OTUD7A: variants seen among roughly 807,000 people sequenced by gnomAD.
OTUD7A encodes the protein OTU deubiquitinase 7A.
Under a neutral mutation model 65.7 loss-of-function variants are expected in OTUD7A, and 12 were observed. The observed-to-expected ratio is 0.18, with a 90% CI of 0.12 to 0.30. The LOEUF (loss-of-function observed/expected upper bound fraction) is 0.30, where lower values mean the gene tolerates loss of function less well. OTUD7A is among the 10% of genes least tolerant of loss of function. OTUD7A has a pLI of 1.00. For synonymous variants in OTUD7A, 641 were observed against 586.3 expected (o/e 1.09, Z -1.35); for missense variants, 1,148 against 1,304.8 (o/e 0.88, Z 1.85).
intron 5 of OTUD7A, among the ~76,000 whole-genome samples, chr15:31,542,774 G>A (rs1161831719): frequency 6.6e-6 from 1 of 151,442 alleles, no homozygotes; most frequent in Non-Finnish European, 1.5e-5. Flanking sequence ...CTTCAAAGGA[G>A]TGATAGACTG....
chr15:31,590,349 T>C (rs2141196776), intron 3 of OTUD7A, among the ~76,000 whole-genome samples: 1 of 152,342 alleles, frequency 6.6e-6, no homozygotes, highest in Admixed American at 6.5e-5. Flanking sequence ...TCTCATAAGG[T>C]ATTTCTGTCA....
chr15:31,787,314 A>G (rs549370272), intron 1 of OTUD7A, among the ~76,000 whole-genome samples: 152 of 152,362 alleles, frequency 1.0e-3, no homozygotes, highest in African/African-American at 3.5e-3. Flanking sequence ...TAAATGAAAC[A>G]GCAAGAAAGC....
chr15:31,553,408 C>A (rs1312771388), intron 5 of OTUD7A, among the ~76,000 whole-genome samples: 1 of 152,126 alleles, frequency 6.6e-6, no homozygotes, highest in Non-Finnish European at 1.5e-5. Flanking sequence ...GAGGGTCCTA[C>A]GAGGAGCTCA....
intron 1 of OTUD7A, among the ~76,000 whole-genome samples, chr15:31,714,880 A>G (rs1466021125): frequency 6.6e-5 from 10 of 152,096 alleles, no homozygotes; most frequent in Admixed American, 6.6e-4. Context: ...TCACGCCTAT[A>G]ATCCCAGCAC....
chr15:31,613,552 C>G (rs944986645), intron 3 of OTUD7A, among the ~76,000 whole-genome samples: 8 of 152,144 alleles, frequency 5.3e-5, no homozygotes, highest in African/African-American at 1.9e-4. Context: ...AAAAAATGCT[C>G]TACATCATTA....
chr15:31,540,752 T>C (rs1887962638), intron 5 of OTUD7A, among the ~76,000 whole-genome samples: 1 of 152,174 alleles, frequency 6.6e-6, no homozygotes, highest in East Asian at 1.9e-4. Flanking sequence ...AATGAATGAA[T>C]GAGTGAACCA....
chr15:31,513,280 T>G (rs1416658928), intron 8 of OTUD7A, among the ~76,000 whole-genome samples: 1 of 152,178 alleles, frequency 6.6e-6, no homozygotes, highest in Non-Finnish European at 1.5e-5. Context: ...CATTTGAAAA[T>G]AAACAGCCAA....
chr15:31,490,884 A>G (rs990825061), intron 10 of OTUD7A, among the ~76,000 whole-genome samples: 7 of 152,124 alleles, frequency 4.6e-5, no homozygotes, highest in African/African-American at 1.7e-4. Flanking sequence ...ACTAAGGGTC[A>G]TCTTCTGTTA....
At chr15:31,780,563 G>T (rs1314535041) in intron 1 of OTUD7A, among the ~76,000 whole-genome samples, 3 of 152,200 alleles carry the variant, frequency 2.0e-5, no homozygotes, top group Non-Finnish European at 4.4e-5. Context: ...GGTTCTTGAA[G>T]ACACCACCAC....
At chr15:31,776,506 G>A (rs1238473949) in intron 1 of OTUD7A, among the ~76,000 whole-genome samples, 1 of 152,198 alleles carries the variant, frequency 6.6e-6, no homozygotes, top group Non-Finnish European at 1.5e-5. Context: ...TTGGTAAGAA[G>A]TGGCAGCTGC....
chr15:31,731,054 CAG>C lies in OTUD7A; in HGVS notation c.-99-73979_-99-73978del, dbSNP rs1894028084. ...ATAGTTGAAATGATCTCTTGGGTCT[CAG>C]GGGATGTGCAGCACCAGACTCCTGG... On this transcript the variant is annotated intron_variant, in intron 1 of 12. Transcript: ENST00000307050. Among the ~76,000 whole-genome samples the C allele has an allele frequency of 2.6e-5, 4 of 152,186 alleles. 1 individual carries two copies. In the South Asian group the frequency reaches 8.3e-4, roughly 32 times the overall value.
At chr15:31,730,005 A>G (rs934063255) in intron 1 of OTUD7A, among the ~76,000 whole-genome samples, 4 of 152,134 alleles carry the variant, frequency 2.6e-5, no homozygotes, top group East Asian at 1.9e-4. Context: ...TTGAAACCCT[A>G]GCCCCCCAGG....
At chr15:31,869,429 C>T (rs1330848885) in intron 1 of OTUD7A, among the ~76,000 whole-genome samples, 4 of 152,142 alleles carry the variant, frequency 2.6e-5, no homozygotes, top group African/African-American at 7.2e-5. Flanking sequence ...AGATTTAGGC[C>T]CCGCTGTCAA....
intron 1 of OTUD7A, chr15:31,766,883 T>C (rs1281037008): frequency 6.2e-7 from 1 of 1,610,474 alleles, no homozygotes; most frequent in African/African-American, 1.3e-5. Flanking sequence ...GCCTCTTTAC[T>C]TGAATTCCCT....
At chr15:31,664,453 T>C (rs146446603) in intron 1 of OTUD7A, among the ~76,000 whole-genome samples, 6 of 152,306 alleles carry the variant, frequency 3.9e-5, no homozygotes, top group Middle Eastern at 3.4e-3. Flanking sequence ...TGTTGGCCAT[T>C]TGTATATCTT....
chr15:31,673,348 T>G (rs896607559), intron 1 of OTUD7A, among the ~76,000 whole-genome samples: 1 of 152,220 alleles, frequency 6.6e-6, no homozygotes, highest in African/African-American at 2.4e-5. Flanking sequence ...AAGTGAACTT[T>G]GTAAGGACCC....
intron 1 of OTUD7A, among the ~76,000 whole-genome samples, chr15:31,709,600 C>T (rs866241814): frequency 1.9e-4 from 29 of 152,252 alleles, no homozygotes; most frequent in African/African-American, 7.0e-4. Context: ...TTTACAGCCG[C>T]AGAGCATGGG....
chr15:31,662,432 T>C (rs1892192554), intron 1 of OTUD7A, among the ~76,000 whole-genome samples: 1 of 152,252 alleles, frequency 6.6e-6, no homozygotes, highest in Admixed American at 6.5e-5. Flanking sequence ...AAACATATTT[T>C]ATGCATTTCA....
At chr15:31,563,477 G>T (rs964623395) in intron 4 of OTUD7A, among the ~76,000 whole-genome samples, 1 of 152,222 alleles carries the variant, frequency 6.6e-6, no homozygotes, top group Non-Finnish European at 1.5e-5. Context: ...AAATCCTCAG[G>T]GGCAGGAGGT....
Sources: allele counts gnomAD v4.1 joint callset (sites outside exome capture counted in the v4.1 genomes callset), GRCh38; gene constraint gnomAD v4.1.1; transcripts MANE v1.5; gene names NCBI Gene and HGNC (gene_info 2026-07-23, HGNC 2026-07-21).